AQP9: variants seen among roughly 807,000 people sequenced by gnomAD.
The protein encoded by AQP9 is aquaporin 9.
AQP9 carries 19 observed loss-of-function variants against 23.8 expected under a neutral mutation model. That is an observed-to-expected ratio of 0.80 (90% CI 0.56 to 1.17). The LOEUF (loss-of-function observed/expected upper bound fraction) is 1.17, where lower values mean the gene tolerates loss of function less well. Ranked by LOEUF, AQP9 falls within the 50% of genes most tolerant of loss-of-function variation. The pLI is 0.00. For missense variants in AQP9, 413 were observed against 362.0 expected, an observed-to-expected ratio of 1.14 and a Z score of -1.14; for synonymous variants, 153 against 131.5, an observed-to-expected ratio of 1.16 and a Z score of -1.12.
intron 1 of AQP9, among the ~76,000 whole-genome samples, chr15:58,158,588 T>G (rs1347692068): frequency 6.6e-6 from 1 of 152,204 alleles, no homozygotes; most frequent in Admixed American, 6.5e-5. Flanking sequence ...CACACTACCC[T>G]AAACAGATGA....
At chr15:58,175,616 A>G (rs776163594) in intron 4 of AQP9, among the ~76,000 whole-genome samples, 10 of 152,216 alleles carry the variant, frequency 6.6e-5, no homozygotes, top group Non-Finnish European at 1.3e-4. Flanking sequence ...TGTCAACTCA[A>G]AAGACTCTTC....
intron 1 of AQP9, among the ~76,000 whole-genome samples, chr15:58,156,876 T>C (rs1317480186): frequency 1.3e-5 from 2 of 152,180 alleles, no homozygotes; most frequent in Non-Finnish European, 2.9e-5. Context: ...GCTTAAGTTA[T>C]TGCTATCAGG....
intron 1 of AQP9, among the ~76,000 whole-genome samples, chr15:58,157,420 C>G (rs890404094): frequency 1.3e-5 from 2 of 152,144 alleles, no homozygotes; most frequent in Non-Finnish European, 2.9e-5. Context: ...ACCTGGCTTA[C>G]TTTTTTGACT....
intron 1 of AQP9, among the ~76,000 whole-genome samples, chr15:58,146,542 T>A (rs192099730): frequency 6.6e-6 from 1 of 152,362 alleles, no homozygotes; most frequent in East Asian, 1.9e-4. Flanking sequence ...ATTTTAAACC[T>A]GTTCTGTCGT....
rs371099893 is a variant in AQP9, at chr15:58,183,990, T to C, written c.743T>C (p.Val248Ala). ...RAGNNFWWIP[V>A]VGPLVGAVIG... The stretch of plus-strand genomic sequence containing the variant: ...GGAAACAACTTCTGGTGGATTCCTG[T>C]AGTGGGCCCTTTGGTTGGTGCTGTC... The change falls in exon 6 of 6, where the codon GTA becomes GCA. Residue 248 changes from valine to alanine, a missense_variant. Physicochemically the swap from Val to Ala is moderately conservative, Grantham distance 64. Transcript: ENST00000219919. 5.0e-6 allele frequency: 8 copies of C among 1,614,178 alleles called. No individual in the cohort carries two copies. In the Admixed American group the frequency reaches 5.0e-5, roughly 10 times the overall value.
In AQP9 at chr15:58,185,149, T is replaced by C. The variant is rs1176951129; in HGVS notation, c.*1014T>C. 6.6e-6 allele frequency: 1 copy of C among 152,154 alleles called. No individual in the cohort carries two copies. Among genetic ancestry groups the C allele is most frequent in the Admixed American group, 6.5e-5 (1 of 15,270 alleles). The allele number at this position is 152,154 out of a possible 1,614,324, so 9.4% of individuals were successfully genotyped here. On this transcript the variant is annotated 3_prime_UTR_variant, in exon 6 of 6. Transcript: ENST00000219919. Reference sequence around the variant, plus strand: ...CTTTCACACCCATTATCTAATTTAATCCTCATAATGACTATGTGAGGCAAA... The same window carrying C: ...CTTTCACACCCATTATCTAATTTAACCCTCATAATGACTATGTGAGGCAAA...
chr15:58,166,914 T>A, intron 2 of AQP9, 115 bp downstream of exon 2: 1 of 1,348,346 alleles, frequency 7.4e-7, no homozygotes, highest in Non-Finnish European at 9.8e-7. Flanking sequence ...CCTGCAAGAG[T>A]GTGTATTGGA....
chr15:58,183,174 C>T (rs1898930495), intron 5 of AQP9, among the ~76,000 whole-genome samples: 1 of 152,210 alleles, frequency 6.6e-6, no homozygotes, highest in South Asian at 2.1e-4. Flanking sequence ...TTCCATTCCC[C>T]TGCTTTTTAA....
intron 1 of AQP9, among the ~76,000 whole-genome samples, chr15:58,145,406 G>A (rs183929988): frequency 6.6e-5 from 10 of 151,962 alleles, no homozygotes; most frequent in African/African-American, 2.2e-4. Context: ...AGGAGGCTGA[G>A]GCAGGAGAAT....
chr15:58,150,877 A>G (rs1898135887), intron 1 of AQP9: 1 of 152,176 alleles, frequency 6.6e-6, no homozygotes, highest in South Asian at 2.1e-4. Context: ...ACCTGACACT[A>G]ATAATCAGCA....
chr15:58,156,929 C>A lies in AQP9; in HGVS notation c.112-9744C>A, dbSNP rs536617986. On this transcript the variant is annotated intron_variant, in intron 1 of 5. Coordinates refer to ENST00000219919, the MANE Select transcript of AQP9 (RefSeq NM_020980.5). ...TGTCCTCAGGAAAATTACTTAATTT[C>A]TTTGTCCAAAGGTTTCCTTAGATGG... Among the ~76,000 whole-genome samples the A allele has an allele frequency of 4.6e-5, 7 of 152,284 alleles. No homozygotes were observed. The South Asian group carries it at 1.4e-3, about 32-fold the overall frequency.
intron 1 of AQP9, among the ~76,000 whole-genome samples, chr15:58,146,425 T>G (rs1898045358): frequency 6.6e-6 from 1 of 152,160 alleles, no homozygotes; most frequent in Non-Finnish European, 1.5e-5. Flanking sequence ...TTCACTATCT[T>G]TTCATTTCTA....
At chr15:58,174,436 G>T (rs1409723069) in intron 3 of AQP9, among the ~76,000 whole-genome samples, 1 of 152,230 alleles carries the variant, frequency 6.6e-6, no homozygotes, top group African/African-American at 2.4e-5. Context: ...GCTGTGGCAA[G>T]AATGGCCTGG....
chr15:58,142,980 T>C (rs1375550824), intron 1 of AQP9, among the ~76,000 whole-genome samples: 1 of 152,164 alleles, frequency 6.6e-6, no homozygotes, highest in East Asian at 1.9e-4. Context: ...AGGCCCTCGC[T>C]CAGAAACTTT....
At chr15:58,139,733 G>T (rs1346982123) in intron 1 of AQP9, among the ~76,000 whole-genome samples, 4 of 152,302 alleles carry the variant, frequency 2.6e-5, no homozygotes, top group Middle Eastern at 3.4e-3. Context: ...AATTGAACTA[G>T]TGGAATGTGA....
chr15:58,139,600 G>C (rs1897916696), intron 1 of AQP9, among the ~76,000 whole-genome samples: 1 of 152,178 alleles, frequency 6.6e-6, no homozygotes, highest in South Asian at 2.1e-4. Context: ...AAGTTATAGA[G>C]AATAGCCCAT....
In AQP9 at chr15:58,161,624, C is replaced by G. The variant is rs567527435; in HGVS notation, c.112-5049C>G. Among the ~76,000 whole-genome samples the G allele has an allele frequency of 9.9e-5, 15 of 152,266 alleles. No homozygotes were observed. In the South Asian group the frequency reaches 2.9e-3, roughly 29 times the overall value. ...GTATTTGTTATAGATGTCTTTTCTCCTCTGTTTTTATTGCCAGGCAGCAAG... is the reference window on the plus strand; with the variant it reads ...GTATTTGTTATAGATGTCTTTTCTCGTCTGTTTTTATTGCCAGGCAGCAAG... On this transcript the variant is annotated intron_variant, in intron 1 of 5. Transcript: ENST00000219919.
At chr15:58,143,004 C>T (rs1450265435) in intron 1 of AQP9, among the ~76,000 whole-genome samples, 2 of 152,212 alleles carry the variant, frequency 1.3e-5, no homozygotes, top group Non-Finnish European at 2.9e-5. Flanking sequence ...ATAAGATGGT[C>T]TCTGTTGCCT....
Position 58,174,861 on chromosome 15 carries a change from G to A in AQP9, c.377-57G>A, listed in dbSNP as rs1427289991. The A allele has an allele frequency of 8.9e-6, 13 of 1,452,956 alleles. 1 individual carries two copies. The highest frequency in any genetic ancestry group is 5.7e-5 in the South Asian group (5 of 87,472). 90.0% of individuals were successfully genotyped at this position (1,452,956 alleles called of 1,614,324 possible). ...GTTGTTTAGCACAAGGCTTGGCACA[G>A]GCCTCCTTCAACTCTTCCCAGGGAA... On this transcript the variant is annotated intron_variant, in intron 3 of 5. Coordinates refer to ENST00000219919, the MANE Select transcript of AQP9 (RefSeq NM_020980.5).
Sources: gnomAD v4.1 joint callset for allele counts (sites outside exome capture counted in the v4.1 genomes callset) on GRCh38, gnomAD v4.1.1 for gene constraint, MANE v1.5 for transcripts, NCBI Gene and HGNC (gene_info 2026-07-23, HGNC 2026-07-21) for gene names.